ATP2B2: variants seen among roughly 807,000 people sequenced by gnomAD.
ATP2B2 encodes plasma membrane calcium-transporting ATPase 2.
A neutral mutation model predicts 120.0 loss-of-function variants in ATP2B2; 15 were observed. The observed-to-expected ratio is 0.12, with a 90% CI of 0.08 to 0.19. The LOEUF is 0.19. ATP2B2 is among the 10% of genes least tolerant of loss of function. ATP2B2 has a pLI of 1.00. For synonymous variants in ATP2B2, 694 were observed against 700.3 expected (o/e 0.99, Z 0.14); for missense variants, 1,045 against 1,719.8 (o/e 0.61, Z 6.94).
chr3:10,539,050 G>A (rs1229568680), intron 2 of ATP2B2, among the ~76,000 whole-genome samples: 1 of 152,128 alleles, frequency 6.6e-6, no homozygotes, highest in African/African-American at 2.4e-5. Flanking sequence ...AAATCAATGT[G>A]CAAAAATCAC....
intron 22 of ATP2B2, among the ~76,000 whole-genome samples, chr3:10,333,586 G>T (rs2125336506): frequency 6.6e-6 from 1 of 152,302 alleles, no homozygotes; most frequent in Middle Eastern, 3.4e-3. Context: ...CACAGAGGCT[G>T]TGATCCTGTC....
chr3:10,342,606 G>T lies in ATP2B2; in HGVS notation c.2917+146C>A. On this transcript the variant is annotated intron_variant, in intron 19 of 22. Transcript: ENST00000360273. This position sits in a 1 kb window ranked among gnomAD's most constrained non-coding sequence, Gnocchi z 4.4. ...TCAAGACTTGCTGGTGTGACCTTGGGCAACTTACTTGACCTCCCTGGGCCT... is the reference window on the plus strand; with the variant it reads ...TCAAGACTTGCTGGTGTGACCTTGGTCAACTTACTTGACCTCCCTGGGCCT... The T allele has an allele frequency of 2.1e-6, 2 of 944,850 alleles. No individual in the cohort carries two copies. Among genetic ancestry groups the T allele is most frequent in the Non-Finnish European group, 3.3e-6 (2 of 610,768 alleles). 58.5% of individuals were successfully genotyped at this position (944,850 alleles called of 1,614,324 possible). A position where few individuals can be genotyped will look rare whatever the true frequency, so the allele number is the denominator to read the frequency against.
intron 3 of ATP2B2, among the ~76,000 whole-genome samples, chr3:10,527,931 T>C (rs1293895538): frequency 2.8e-5 from 4 of 140,680 alleles, no homozygotes; most frequent in African/African-American, 7.7e-5. Flanking sequence ...CCTCCCTTTC[T>C]GGCCTGAGGA....
intron 2 of ATP2B2, among the ~76,000 whole-genome samples, chr3:10,576,924 G>T (rs1335877816): frequency 6.6e-6 from 1 of 151,828 alleles, no homozygotes. Context: ...TATGGTGGCG[G>T]GTGCCTGTAG....
chr3:10,402,284 C>T lies in ATP2B2; in HGVS notation c.462G>A (p.Gly154=). The T allele has an allele frequency of 1.2e-6, 2 of 1,614,034 alleles. No individual in the cohort carries two copies. Among genetic ancestry groups the T allele is most frequent in the Non-Finnish European group, 1.7e-6 (2 of 1,180,018 alleles). The change falls in exon 4 of 23, where the codon GGG becomes GGA. Residue 154 remains glycine, a synonymous_variant. Transcript: ENST00000360273. This position sits in a 1 kb window ranked among gnomAD's most constrained non-coding sequence, Gnocchi z 4.9. ...EGEAEAGWIE[G]AAILLSVICV... is the part of the protein sequence containing the mutation. ...AGATAACTGAGAGGAGAATGGCGGC[C>T]CCCTCGATCCAACCTGCCTCTGCCT...
intron 2 of ATP2B2, among the ~76,000 whole-genome samples, chr3:10,443,780 C>T (rs761562938): frequency 2.0e-5 from 3 of 152,204 alleles, no homozygotes; most frequent in Non-Finnish European, 2.9e-5. Flanking sequence ...ATGGAGCCCT[C>T]ATGGATAAAA....
intron 1 of ATP2B2, among the ~76,000 whole-genome samples, chr3:10,666,096 C>A (rs1325479674): frequency 5.3e-5 from 8 of 152,218 alleles, no homozygotes; most frequent in Admixed American, 4.6e-4. Flanking sequence ...AGCTTTCCTG[C>A]AGCATGCAGC....
intron 1 of ATP2B2, among the ~76,000 whole-genome samples, chr3:10,465,917 G>A (rs1432223829): frequency 6.6e-6 from 1 of 152,186 alleles, no homozygotes; most frequent in East Asian, 1.9e-4. Context: ...TTACTGTGAT[G>A]GTACCGCAGG....
intron 5 of ATP2B2, among the ~76,000 whole-genome samples, chr3:10,389,386 TG>T (rs564581504): frequency 1.9e-4 from 29 of 152,300 alleles, no homozygotes; most frequent in Middle Eastern, 6.8e-3. Context: ...GGGAGAAATA[TG>T]GTCTATACAC....
At chr3:10,500,280 T>C (rs543231151) in intron 1 of ATP2B2, among the ~76,000 whole-genome samples, 1 of 152,206 alleles carries the variant, frequency 6.6e-6, no homozygotes, top group South Asian at 2.1e-4. Context: ...CTGGTTTCTG[T>C]AATCCGGAAA....
intron 14 of ATP2B2, among the ~76,000 whole-genome samples, chr3:10,351,014 G>C (rs1327385883): frequency 6.6e-6 from 1 of 152,172 alleles, no homozygotes; most frequent in African/African-American, 2.4e-5. Flanking sequence ...AGATCTATTT[G>C]TGTATTTTCA....
At chr3:10,654,153 T>C (rs114131436) in intron 1 of ATP2B2, among the ~76,000 whole-genome samples, 1,621 of 152,162 alleles carry the variant, frequency 0.011, 28 homozygotes, top group African/African-American at 0.036. Flanking sequence ...AAGTGGAACA[T>C]AGAGAGGATA....
chr3:10,524,786 G>C (rs1426510670), intron 3 of ATP2B2, among the ~76,000 whole-genome samples: 5 of 152,178 alleles, frequency 3.3e-5, no homozygotes, highest in African/African-American at 9.7e-5. Context: ...CTAGAGGTGG[G>C]AGAGTCAGGG....
At chr3:10,609,426 C>G (rs1007033335) in intron 2 of ATP2B2, among the ~76,000 whole-genome samples, 1 of 152,252 alleles carries the variant, frequency 6.6e-6, no homozygotes, top group Non-Finnish European at 1.5e-5. Context: ...CCCTGCTACT[C>G]CAAGCCTCCT....
intron 2 of ATP2B2, among the ~76,000 whole-genome samples, chr3:10,545,142 CAGA>C (rs2067517628): frequency 1.3e-5 from 2 of 152,198 alleles, no homozygotes; most frequent in South Asian, 2.1e-4. Flanking sequence ...AAGCGAGTCT[CAGA>C]AGATTACATA....
intron 3 of ATP2B2, among the ~76,000 whole-genome samples, chr3:10,511,333 T>C (rs2066757504): frequency 6.6e-6 from 1 of 152,196 alleles, no homozygotes; most frequent in Non-Finnish European, 1.5e-5. Context: ...ATCTGTGTTG[T>C]CCATCTGGCT....
intron 1 of ATP2B2, among the ~76,000 whole-genome samples, chr3:10,476,973 C>A (rs2065228398): frequency 6.6e-6 from 1 of 152,202 alleles, no homozygotes; most frequent in African/African-American, 2.4e-5. Context: ...CTAGAGCATT[C>A]TAGAAGCCAC....
intron 2 of ATP2B2, among the ~76,000 whole-genome samples, chr3:10,431,431 C>T (rs1348323113): frequency 2.6e-5 from 4 of 152,174 alleles, no homozygotes; most frequent in South Asian, 2.1e-4. Flanking sequence ...CCATCAACAT[C>T]GAGGCAAGAC....
intron 22 of ATP2B2, among the ~76,000 whole-genome samples, chr3:10,330,868 T>C (rs1057293133): frequency 6.6e-6 from 1 of 152,254 alleles, no homozygotes; most frequent in African/African-American, 2.4e-5. Context: ...AAGCATGTCA[T>C]ACGCTCCTCT....
Sources: gnomAD v4.1 joint callset for allele counts (sites outside exome capture counted in the v4.1 genomes callset) on GRCh38, gnomAD v4.1.1 for gene constraint, Gnocchi (gnomAD v3.1) non-coding constraint, MANE v1.5 for transcripts, NCBI Gene and HGNC (gene_info 2026-07-23, HGNC 2026-07-21) for gene names.